SPAM1: variants seen among roughly 807,000 people sequenced by gnomAD.
SPAM1 encodes sperm adhesion molecule 1.
SPAM1 carries 22 observed loss-of-function variants against 29.6 expected under a neutral mutation model. That is an observed-to-expected ratio of 0.74 (90% confidence interval 0.53 to 1.06). SPAM1 has a LOEUF of 1.06. SPAM1 is among the 50% of genes least tolerant of loss of function. The pLI is 0.00. For synonymous variants in SPAM1, 194 were observed against 204.6 expected (o/e 0.95, Z 0.44); for missense variants, 534 against 604.0 (o/e 0.88, Z 1.21).
chr7:123,951,435 C>T (rs1584957146), intron 2 of SPAM1, among the ~76,000 whole-genome samples: 1 of 152,102 alleles, frequency 6.6e-6, no homozygotes. Flanking sequence ...ATTCTTGATG[C>T]TAACTTCTAG....
At chr7:123,941,180 A>T (rs1808415594) in intron 1 of SPAM1, among the ~76,000 whole-genome samples, 1 of 152,152 alleles carries the variant, frequency 6.6e-6, no homozygotes, top group African/African-American at 2.4e-5. Flanking sequence ...GATTCTGTAA[A>T]CCAAAAGGTA....
At chr7:123,932,846 G>A (rs1808128291) in intron 1 of SPAM1, among the ~76,000 whole-genome samples, 1 of 152,060 alleles carries the variant, frequency 6.6e-6, no homozygotes, top group South Asian at 2.1e-4. Flanking sequence ...ACTTTGCTGG[G>A]TGCTCCCAAG....
intron 1 of SPAM1, among the ~76,000 whole-genome samples, chr7:123,946,177 G>C (rs1314278532): frequency 6.6e-6 from 1 of 152,192 alleles, no homozygotes; most frequent in East Asian, 1.9e-4. Context: ...GGATTTACCT[G>C]CCTTCCATTG....
At chr7:123,938,388 A>C (rs1808323468) in intron 1 of SPAM1, among the ~76,000 whole-genome samples, 1 of 152,222 alleles carries the variant, frequency 6.6e-6, no homozygotes, top group East Asian at 1.9e-4. Context: ...GGAAAAATTC[A>C]GTCTGCATCC....
rs1792253759 is a variant in SPAM1, at chr7:123,956,657, T to TA, written c.1044+1576dup. 3.3e-5 allele frequency among the ~76,000 whole-genome samples: 5 copies of TA among 152,038 alleles called. No individual in the cohort carries two copies. The South Asian group carries it at 1.0e-3, about 31-fold the overall frequency. On this transcript the variant is annotated intron_variant, in intron 4 of 4. Transcript: ENST00000682466. ...AAAAACTTACAATAAAAAATTATGTTAAAAACAGGTGACACATTTCAATAT... is the reference window on the plus strand; with the variant it reads ...AAAAACTTACAATAAAAAATTATGTTAAAAAACAGGTGACACATTTCAATAT...
chr7:123,957,054 C>G (rs1315465584), intron 4 of SPAM1, among the ~76,000 whole-genome samples: 2 of 151,954 alleles, frequency 1.3e-5, no homozygotes, highest in Non-Finnish European at 2.9e-5. Flanking sequence ...GTTGAGAAAG[C>G]AACTGCAATG....
chr7:123,953,745 T>C lies in SPAM1; in HGVS notation c.175T>C (p.Phe59Leu). 1 of 1,613,056 alleles carries C rather than the reference T, an allele frequency of 6.2e-7. No individual in the cohort carries two copies. Among genetic ancestry groups the C allele is most frequent in the Non-Finnish European group, 8.5e-7 (1 of 1,179,594 alleles). ...CTGGGCCTGGAATGCCCCAAGTGAA[T>C]TTTGTCTTGGAAAATTTGATGAGCC... is the stretch of plus-strand genomic sequence containing the variant. ...FLWAWNAPSE[F>L]CLGKFDEPLD... Residue 59 changes from phenylalanine to leucine, a missense_variant, in exon 3 of 5, where the codon TTT (phenylalanine) becomes CTT (leucine). Transcript: ENST00000682466.
At chr7:123,939,637 G>A (rs1273048521) in intron 1 of SPAM1, among the ~76,000 whole-genome samples, 5 of 152,178 alleles carry the variant, frequency 3.3e-5, no homozygotes, top group Non-Finnish European at 5.9e-5. Flanking sequence ...TGCACAAGAG[G>A]AGAGACAAAG....
chr7:123,954,804 T>C (rs1264464083), intron 3 of SPAM1, among the ~76,000 whole-genome samples, 193 bp from the exon 4 acceptor site: 2 of 151,914 alleles, frequency 1.3e-5, no homozygotes, highest in African/African-American at 2.4e-5. Flanking sequence ...CTCTTTTCAA[T>C]AGAAGTGATT....
chr7:123,954,916 G>A, intron 3 of SPAM1, 81 bp from the exon 4 acceptor site: 2 of 854,150 alleles, frequency 2.3e-6, no homozygotes, highest in South Asian at 2.8e-5. Context: ...GGGTCAGCAT[G>A]CTTAGCTTTT....
chr7:123,953,548 T>A lies in SPAM1; in HGVS notation c.-23T>A, dbSNP rs375793815. The A allele has an allele frequency of 2.0e-6, 3 of 1,475,820 alleles. No homozygotes were observed. The African/African-American group carries it at 4.2e-5, about 21-fold the overall frequency. The allele number at this position is 1,475,820 out of a possible 1,614,324, so 91.4% of individuals were successfully genotyped here. On this transcript the variant is annotated 5_prime_UTR_variant, in exon 3 of 5. Coordinates refer to ENST00000682466, the MANE Select transcript of SPAM1 (RefSeq NM_153189.3). ...AAAGTGTGTAGGAAGAAATAAATGT[T>A]TTCATAGTCATTACTCTTTACAATG...
At chr7:123,942,580 T>G (rs2117040902) in intron 1 of SPAM1, among the ~76,000 whole-genome samples, 1 of 152,340 alleles carries the variant, frequency 6.6e-6, no homozygotes, top group African/African-American at 2.4e-5. Context: ...TGAAACTTTA[T>G]TCCATAAGGA....
intron 3 of SPAM1, among the ~76,000 whole-genome samples, chr7:123,954,766 T>TC (rs946729248): frequency 1.3e-5 from 2 of 151,930 alleles, no homozygotes; most frequent in African/African-American, 4.8e-5. Context: ...GAACTCAGTT[T>TC]CTTTTTTTTT....
intron 1 of SPAM1, chr7:123,947,704 G>A (rs1022942781): frequency 3.3e-5 from 5 of 151,884 alleles, no homozygotes; most frequent in Admixed American, 3.3e-4. Context: ...CACCCAACAG[G>A]TTAAATACTG....
At chr7:123,967,694 G>C (rs1584966319) in intron 5 of SPAM1, among the ~76,000 whole-genome samples, 1 of 151,884 alleles carries the variant, frequency 6.6e-6, no homozygotes, top group Admixed American at 6.6e-5. Context: ...AGAAGGAAGG[G>C]GGATGTGGTG....
intron 5 of SPAM1, among the ~76,000 whole-genome samples, chr7:123,967,338 G>C (rs1426668707): frequency 6.6e-6 from 1 of 152,012 alleles, no homozygotes; most frequent in Non-Finnish European, 1.5e-5. Context: ...TTGCTGTTTT[G>C]TGATTGTCTG....
At position 123,959,874 on chromosome 7, in the gene SPAM1, C is replaced by T; in HGVS notation, c.1435C>T (p.Gln479Ter). Residue 479 changes from glutamine (Q) to a stop codon, truncating the protein, a stop_gained, in exon 5 of 5, where the codon CAA (glutamine) becomes TAA (stop). Coordinates refer to ENST00000682466, the MANE Select transcript of SPAM1 (RefSeq NM_153189.3). LOFTEE classifies it low-confidence loss of function (END_TRUNC). ...LKPPMETEEP[Q>*]IFYNASPSTL... is the part of the protein sequence containing the mutation. The stretch of plus-strand genomic sequence containing the variant: ...ACCTCCCATGGAGACAGAAGAACCT[C>T]AAATTTTCTACAATGCTTCACCCTC... The T allele has an allele frequency of 1.2e-6, 2 of 1,613,080 alleles. No individual in the cohort carries two copies. The highest frequency in any genetic ancestry group is 1.7e-6 in the Non-Finnish European group (2 of 1,179,508).
intron 2 of SPAM1, among the ~76,000 whole-genome samples, chr7:123,952,162 A>T (rs2117056622): frequency 6.6e-6 from 1 of 152,220 alleles, no homozygotes; most frequent in East Asian, 1.9e-4. Flanking sequence ...AAGTTTATAA[A>T]TATTTAAACT....
At chr7:123,936,271 T>A (rs1448775331) in intron 1 of SPAM1, among the ~76,000 whole-genome samples, 1 of 152,190 alleles carries the variant, frequency 6.6e-6, no homozygotes, top group African/African-American at 2.4e-5. Context: ...ATTCCTGGGA[T>A]GAGGTTTTTA....
Sources: allele counts gnomAD v4.1 joint callset (sites outside exome capture counted in the v4.1 genomes callset), GRCh38; gene constraint gnomAD v4.1.1; transcripts MANE v1.5; gene names NCBI Gene and HGNC (gene_info 2026-07-23, HGNC 2026-07-21).